PCDHA3: variants seen among roughly 807,000 people sequenced by gnomAD.
PCDHA3 encodes protocadherin alpha 3.
PCDHA3 carries 41 observed loss-of-function variants against 62.2 expected under a neutral mutation model. That is an observed-to-expected ratio of 0.66 (90% CI 0.51 to 0.86). The LOEUF is 0.86. Ranked by LOEUF, PCDHA3 falls within the 40% of genes least tolerant of loss-of-function variation. The pLI is 0.00. For synonymous variants in PCDHA3, 640 were observed against 555.4 expected (o/e 1.15, Z -2.14); for missense variants, 1,304 against 1,241.2 (o/e 1.05, Z -0.76).
chr5:140,850,754 G>A lies in PCDHA3; in HGVS notation c.2394+47163G>A, dbSNP rs2150497154. 7 of 1,598,000 alleles carry A rather than the reference G, an allele frequency of 4.4e-6. 1 individual carries two copies. In the African/African-American group the frequency reaches 6.7e-5, roughly 15 times the overall value. On this transcript the variant is annotated intron_variant, in intron 1 of 3. Transcript: ENST00000522353. ...TGGGGAGTTGGTCGTACTCGCAGCA[G>A]AGGAGGCAGAGGGTGTGCTCTGGCG...
At chr5:140,899,032 A>G (rs1377878756) in intron 1 of PCDHA3, among the ~76,000 whole-genome samples, 2 of 151,890 alleles carry the variant, frequency 1.3e-5, no homozygotes, top group African/African-American at 4.8e-5. Context: ...ATTTTTGTAC[A>G]TTGATTTTGT....
chr5:140,850,026 C>T (rs2150464054), intron 1 of PCDHA3: 2 of 1,596,828 alleles, frequency 1.3e-6, no homozygotes, highest in Non-Finnish European at 1.7e-6. Context: ...CGTGTCAGTG[C>T]ACGCGGAGAG....
rs782071598 is a variant in PCDHA3 at position 140,883,785 on chromosome 5, G to C, written c.2394+80194G>C. On this transcript the variant is annotated intron_variant, in intron 1 of 3. Coordinates refer to ENST00000522353, the MANE Select transcript of PCDHA3 (RefSeq NM_018906.3). ...CGGGTGGGCGAGCGTGCGCTGTCGA[G>C]CTACGTGTCGGTGCACGCGGAGAGC... The C allele has an allele frequency of 1.3e-5, 21 of 1,612,402 alleles. No individual in the cohort carries two copies. In the East Asian group the frequency reaches 4.0e-4, roughly 31 times the overall value.
chr5:140,863,082 G>A (rs1424614073), intron 1 of PCDHA3: 2 of 572,800 alleles, frequency 3.5e-6, no homozygotes, highest in Non-Finnish European at 6.9e-6. Flanking sequence ...GCACGGGCGA[G>A]ATCAGCACGA....
Position 140,853,023 on chromosome 5 carries a change from C to T in PCDHA3, c.2394+49432C>T, listed in dbSNP as rs1239749008. On this transcript the variant is annotated intron_variant, in intron 1 of 3. Transcript: ENST00000522353. ...CCTCCCGAGTAGCTGGGACTACAGG[C>T]GCCTGCCACCATGCCCGCCTAATTT... 6 of 257,856 alleles carry T rather than the reference C, an allele frequency of 2.3e-5. 1 individual carries two copies. The highest frequency in any genetic ancestry group is 1.2e-4 in the African/African-American group (5 of 42,466). 16.0% of individuals were successfully genotyped at this position (257,856 alleles called of 1,614,324 possible). A position where few individuals can be genotyped will look rare whatever the true frequency, so the allele number is the denominator to read the frequency against.
intron 1 of PCDHA3, chr5:140,834,461 A>T: frequency 6.3e-7 from 1 of 1,589,356 alleles, no homozygotes; most frequent in Non-Finnish European, 8.6e-7. Flanking sequence ...CTTGGGAGGC[A>T]GGGAGAGGCC....
intron 1 of PCDHA3, chr5:140,821,742 G>A (rs2150110366): frequency 9.6e-6 from 15 of 1,555,750 alleles, no homozygotes; most frequent in African/African-American, 1.4e-5. Flanking sequence ...GTGTGGTGAT[G>A]CAATAGAAAG....
rs782304851 is a variant in PCDHA3 at position 140,856,941 on chromosome 5, C to T, written c.2394+53350C>T. ...AGGAAATTTTGGATAAACGAAAGGA[C>T]GGGAGAAATAAAAGTAAATGATGCT... On this transcript the variant is annotated intron_variant, in intron 1 of 3. Coordinates refer to ENST00000522353, the MANE Select transcript of PCDHA3 (RefSeq NM_018906.3). The T allele has an allele frequency of 1.9e-6, 3 of 1,592,588 alleles. No homozygotes were observed. Among genetic ancestry groups the T allele is most frequent in the Admixed American group, 3.4e-5 (2 of 59,186 alleles).
chr5:140,855,994 G>A (rs941733432), intron 1 of PCDHA3: 1 of 1,498,182 alleles, frequency 6.7e-7, no homozygotes, highest in Non-Finnish European at 9.0e-7. Flanking sequence ...ATGTCAGATC[G>A]TATGTGCGTT....
chr5:140,983,754 A>T (rs2097065978), intron 3 of PCDHA3, among the ~76,000 whole-genome samples: 3 of 152,210 alleles, frequency 2.0e-5, no homozygotes. Flanking sequence ...AATCCATTCA[A>T]ATTCAAATAC....
chr5:140,841,171 G>T, intron 1 of PCDHA3: 2 of 993,678 alleles, frequency 2.0e-6, no homozygotes, highest in Admixed American at 2.8e-5. Context: ...AGTTCTGGTT[G>T]GTCAATGTTC....
At chr5:140,888,544 C>T (rs1295573540) in intron 1 of PCDHA3, among the ~76,000 whole-genome samples, 1 of 152,140 alleles carries the variant, frequency 6.6e-6, no homozygotes, top group Non-Finnish European at 1.5e-5. Flanking sequence ...TGCTCAGTAC[C>T]AATTTATTCC....
chr5:140,821,991 C>A (rs782271106), intron 1 of PCDHA3: 2 of 1,614,008 alleles, frequency 1.2e-6, no homozygotes, highest in Non-Finnish European at 1.7e-6. Context: ...GCCGCGGGGA[C>A]CTTCTGGAGG....
intron 1 of PCDHA3, chr5:140,808,477 G>C (rs1764182848): frequency 1.9e-6 from 3 of 1,614,038 alleles, no homozygotes; most frequent in Non-Finnish European, 2.5e-6. Flanking sequence ...CGCGAGACGG[G>C]GGCTCGCCTT....
intron 1 of PCDHA3, chr5:140,863,175 C>T (rs1562576204): frequency 1.4e-6 from 1 of 718,568 alleles, no homozygotes; most frequent in South Asian, 1.3e-5. Context: ...CGCTGACTGC[C>T]ACCGTCACCG....
At chr5:140,846,591 G>A (rs1236842497) in intron 1 of PCDHA3, among the ~76,000 whole-genome samples, 3 of 148,580 alleles carry the variant, frequency 2.0e-5, no homozygotes, top group African/African-American at 7.4e-5. Context: ...AGCCAGGATG[G>A]TCTCGATCTC....
At chr5:140,863,013 C>A (rs1274171221) in intron 1 of PCDHA3, 1 of 552,838 alleles carries the variant, frequency 1.8e-6, no homozygotes, top group Admixed American at 1.9e-5. Flanking sequence ...AGCTATGACG[C>A]CTGGTTGTCG....
intron 1 of PCDHA3, chr5:140,929,479 A>G (rs2086187931): frequency 4.2e-6 from 5 of 1,193,216 alleles, no homozygotes; most frequent in Admixed American, 3.2e-5. Context: ...CTGGAAGTAT[A>G]GAAGTATTAG....
chr5:140,817,377 T>A (rs1766124750), intron 1 of PCDHA3: 1 of 152,226 alleles, frequency 6.6e-6, no homozygotes, highest in South Asian at 2.1e-4. Flanking sequence ...TCGGCACTTA[T>A]CACCATGGGA....
Sources: allele counts gnomAD v4.1 joint callset (sites outside exome capture counted in the v4.1 genomes callset), GRCh38; gene constraint gnomAD v4.1.1; transcripts MANE v1.5; gene names NCBI Gene and HGNC (gene_info 2026-07-23, HGNC 2026-07-21).